The following PCDH9 variants were observed in gnomAD, a reference collection of about 807,000 sequenced individuals.
PCDH9 encodes protocadherin 9, also known as protocadherin-9.
PCDH9 carries 24 observed loss-of-function variants against 70.6 expected under a neutral mutation model. The observed-to-expected ratio is 0.34, with a 90% CI of 0.25 to 0.48. The LOEUF is 0.48. PCDH9 is among the 20% of genes least tolerant of loss of function. PCDH9 has a pLI of 0.99. For missense variants in PCDH9, 1,281 were observed against 1,503.6 expected, an observed-to-expected ratio of 0.85 and a Z score of 2.45; for synonymous variants, 562 against 558.5, an observed-to-expected ratio of 1.01 and a Z score of -0.09.
chr13:66,607,101 T>C (rs1205860827), intron 4 of PCDH9, among the ~76,000 whole-genome samples: 2 of 152,142 alleles, frequency 1.3e-5, no homozygotes, highest in African/African-American at 4.8e-5. Context: ...ATTTCCTAAA[T>C]ATAAAAATAT....
intron 3 of PCDH9, among the ~76,000 whole-genome samples, chr13:66,644,654 A>G (rs919663609): frequency 1.3e-5 from 2 of 151,954 alleles, no homozygotes; most frequent in Non-Finnish European, 2.9e-5. Context: ...GGGCCATTTT[A>G]CATCAGTCAT....
At chr13:66,772,997 C>G (rs1169365757) in intron 3 of PCDH9, among the ~76,000 whole-genome samples, 1 of 151,726 alleles carries the variant, frequency 6.6e-6, no homozygotes, top group East Asian at 1.9e-4. Flanking sequence ...TTAAGTTTAG[C>G]TTGATTAGAC....
chr13:66,796,871 C>T (rs2080249939), intron 3 of PCDH9, among the ~76,000 whole-genome samples: 1 of 151,926 alleles, frequency 6.6e-6, no homozygotes, highest in Admixed American at 6.6e-5. Context: ...TAGGGAAATG[C>T]TAGGCAAGAT....
At chr13:66,352,958 C>T (rs1341807068) in intron 4 of PCDH9, among the ~76,000 whole-genome samples, 2 of 152,072 alleles carry the variant, frequency 1.3e-5, no homozygotes, top group African/African-American at 2.4e-5. Context: ...ATAGCCATGA[C>T]CTAATGCAGC....
intron 2 of PCDH9, among the ~76,000 whole-genome samples, chr13:67,128,540 C>G (rs929912145): frequency 1.3e-5 from 2 of 152,142 alleles, no homozygotes; most frequent in African/African-American, 4.8e-5. Flanking sequence ...AAAGACCTTC[C>G]TTAGGCTTTA....
intron 4 of PCDH9, among the ~76,000 whole-genome samples, chr13:66,600,981 C>T (rs1256371314): frequency 6.9e-6 from 1 of 144,944 alleles, no homozygotes; most frequent in African/African-American, 2.5e-5. Context: ...TGTATCATTT[C>T]ATTTCCATTG....
intron 4 of PCDH9, among the ~76,000 whole-genome samples, chr13:66,312,797 C>T (rs1955586299): frequency 6.6e-6 from 1 of 152,124 alleles, no homozygotes; most frequent in Non-Finnish European, 1.5e-5. Context: ...ATCCACACCA[C>T]CAGGATTGGA....
intron 2 of PCDH9, among the ~76,000 whole-genome samples, chr13:66,938,873 A>G (rs942203420): frequency 2.6e-5 from 4 of 152,234 alleles, no homozygotes; most frequent in African/African-American, 9.6e-5. Flanking sequence ...ATGTGCACAC[A>G]TATCACAAGT....
At chr13:66,334,865 T>C (rs866945748) in intron 4 of PCDH9, among the ~76,000 whole-genome samples, 2 of 152,146 alleles carry the variant, frequency 1.3e-5, no homozygotes, top group Non-Finnish European at 2.9e-5. Flanking sequence ...CCTGTAATTG[T>C]ATATTACAAG....
chr13:66,812,766 G>A (rs1421897959), intron 3 of PCDH9, among the ~76,000 whole-genome samples: 5 of 152,108 alleles, frequency 3.3e-5, no homozygotes, highest in African/African-American at 1.2e-4. Context: ...ATAAAGTTTA[G>A]GAAATAATTA....
intron 4 of PCDH9, among the ~76,000 whole-genome samples, chr13:66,584,605 A>AT (rs1413876043): frequency 2.0e-5 from 3 of 152,154 alleles, no homozygotes; most frequent in Non-Finnish European, 4.4e-5. Context: ...CCAAATATAT[A>AT]TTTTTCTAGA....
At chr13:66,795,454 A>G (rs567923091) in intron 3 of PCDH9, among the ~76,000 whole-genome samples, 2 of 152,314 alleles carry the variant, frequency 1.3e-5, no homozygotes, top group South Asian at 4.1e-4. Flanking sequence ...ATTTATAAAT[A>G]GCTTTAATTA....
chr13:66,335,833 G>C (rs1399075980), intron 4 of PCDH9, among the ~76,000 whole-genome samples: 1 of 152,114 alleles, frequency 6.6e-6, no homozygotes, highest in Non-Finnish European at 1.5e-5. Context: ...TAACATATTA[G>C]TATAAAGTAC....
At chr13:66,470,263 T>A (rs1300113301) in intron 4 of PCDH9, among the ~76,000 whole-genome samples, 2 of 152,140 alleles carry the variant, frequency 1.3e-5, no homozygotes, top group Admixed American at 6.5e-5. Flanking sequence ...AAATTAAATT[T>A]AAAAACCCAG....
rs186292170 is a variant in PCDH9, at chr13:67,220,088, C to A, written c.3036+5317G>T. The A allele has an allele frequency of 3.5e-4, 53 of 151,672 alleles. 1 individual carries two copies. Among genetic ancestry groups the A allele is most frequent in the African/African-American group, 1.3e-3 (53 of 41,374 alleles). The allele number at this position is 151,672 out of a possible 1,614,324, so 9.4% of individuals were successfully genotyped here. A position where few individuals can be genotyped will look rare whatever the true frequency, so the allele number is the denominator to read the frequency against. ...AAACACCCAGACTGGTATAGTGGGA[C>A]CAAGGCTACAACTGTAACGTTCAGC... is the stretch of plus-strand genomic sequence containing the variant. On this transcript the variant is annotated intron_variant, in intron 2 of 4. Coordinates refer to ENST00000377865, the MANE Select transcript of PCDH9 (RefSeq NM_203487.3).
At position 66,304,491 on chromosome 13, in the gene PCDH9, T is replaced by G. The variant is rs993031257; in HGVS notation, c.*164A>C. ...ATTGCATGGCTAGAACTATCTTCTCTCATATGTTGCAAAAACATTGTATTC... is the reference window on the plus strand; with the variant it reads ...ATTGCATGGCTAGAACTATCTTCTCGCATATGTTGCAAAAACATTGTATTC... On this transcript the variant is annotated 3_prime_UTR_variant, in exon 5 of 5. Transcript: ENST00000377865. 1.7e-6 allele frequency: 1 copy of G among 605,934 alleles called. No homozygotes were observed. 37.5% of individuals were successfully genotyped at this position (605,934 alleles called of 1,614,324 possible). A position where few individuals can be genotyped will look rare whatever the true frequency, so the allele number is the denominator to read the frequency against.
intron 3 of PCDH9, among the ~76,000 whole-genome samples, chr13:66,888,075 G>A (rs541469939): frequency 6.6e-6 from 1 of 152,198 alleles, no homozygotes; most frequent in Admixed American, 6.6e-5. Flanking sequence ...AACACCTCTG[G>A]CTATTATGCT....
chr13:67,141,753 T>TAAA (rs34484513), intron 2 of PCDH9, among the ~76,000 whole-genome samples: 41 of 129,492 alleles, frequency 3.2e-4, no homozygotes, highest in African/African-American at 1.1e-3. Flanking sequence ...CCTTCTCTCT[T>TAAA]AAAAAAAAAA....
intron 3 of PCDH9, among the ~76,000 whole-genome samples, chr13:66,656,432 A>G (rs1378922480): frequency 6.6e-6 from 1 of 152,192 alleles, no homozygotes; most frequent in African/African-American, 2.4e-5. Flanking sequence ...CTTCTCATTC[A>G]GGTTACTCTT....
Sources: allele counts gnomAD v4.1 joint callset (sites outside exome capture counted in the v4.1 genomes callset), GRCh38; gene constraint gnomAD v4.1.1; transcripts MANE v1.5; gene names NCBI Gene and HGNC (gene_info 2026-07-23, HGNC 2026-07-21).